The following RGS7 variants were observed in gnomAD, a reference collection of about 807,000 sequenced individuals.
RGS7 encodes the protein regulator of G-protein signaling 7.
RGS7 carries 27 observed loss-of-function variants against 81.1 expected under a neutral mutation model. The observed-to-expected ratio is 0.33, with a 90% CI of 0.25 to 0.46. The LOEUF is 0.46. Ranked by LOEUF, RGS7 falls within the 20% of genes least tolerant of loss-of-function variation. The pLI is 1.00. For missense variants in RGS7, 396 were observed against 607.4 expected (o/e 0.65, Z 3.66); for synonymous variants, 208 against 207.7 (o/e 1.00, Z -0.01).
intron 6 of RGS7, among the ~76,000 whole-genome samples, chr1:240,905,972 G>A (rs1670750962): frequency 6.6e-6 from 1 of 152,108 alleles, no homozygotes; most frequent in South Asian, 2.1e-4. Flanking sequence ...TGCTAGCTGG[G>A]GCTTTGAACC....
At chr1:241,133,530 A>T (rs1365122208) in intron 2 of RGS7, among the ~76,000 whole-genome samples, 1 of 152,086 alleles carries the variant, frequency 6.6e-6, no homozygotes, top group Non-Finnish European at 1.5e-5. Context: ...AGGAGATACA[A>T]ATATAAAAAA....
chr1:241,190,057 G>A (rs373348448), intron 2 of RGS7, among the ~76,000 whole-genome samples: 6 of 151,898 alleles, frequency 4.0e-5, no homozygotes, highest in Admixed American at 3.3e-4. Context: ...GAGCCGAGAT[G>A]GCGCCACTGC....
intron 2 of RGS7, among the ~76,000 whole-genome samples, chr1:241,214,060 C>T (rs2074409011): frequency 6.6e-6 from 1 of 152,160 alleles, no homozygotes; most frequent in African/African-American, 2.4e-5. Context: ...CCACCATGCC[C>T]AGCAAGAAAA....
At chr1:240,817,888 C>T (rs1691107337) in intron 10 of RGS7, among the ~76,000 whole-genome samples, 1 of 152,118 alleles carries the variant, frequency 6.6e-6, no homozygotes, top group Non-Finnish European at 1.5e-5. Context: ...CAGGCGTGAG[C>T]CACCGCGCCT....
At chr1:240,874,394 C>G (rs1361316849) in intron 6 of RGS7, among the ~76,000 whole-genome samples, 1 of 152,014 alleles carries the variant, frequency 6.6e-6, no homozygotes, top group Non-Finnish European at 1.5e-5. Context: ...GGCCTCTGAT[C>G]CTCCTGGGGC....
At chr1:241,019,588 T>C (rs1302096249) in intron 3 of RGS7, among the ~76,000 whole-genome samples, 4 of 152,134 alleles carry the variant, frequency 2.6e-5, no homozygotes, top group Admixed American at 6.5e-5. Context: ...CTCCCACTTA[T>C]GAGTGAAAAC....
chr1:241,243,572 G>C (rs1024288695), intron 2 of RGS7, among the ~76,000 whole-genome samples: 15 of 152,116 alleles, frequency 9.9e-5, no homozygotes, highest in Non-Finnish European at 2.1e-4. Context: ...AGGCATGAAG[G>C]GAAAGAGATG....
intron 2 of RGS7, among the ~76,000 whole-genome samples, chr1:241,295,252 G>T (rs564852372): frequency 1.8e-3 from 270 of 151,902 alleles, no homozygotes; most frequent in South Asian, 2.5e-3. Context: ...TTCAAGACCA[G>T]CCTGACGAAC....
At chr1:241,182,646 CG>C (rs2071722274) in intron 2 of RGS7, among the ~76,000 whole-genome samples, 1 of 141,800 alleles carries the variant, frequency 7.1e-6, no homozygotes, top group South Asian at 2.3e-4. Context: ...CGGCATCTCA[CG>C]CTTTTTTTTT....
At chr1:240,908,420 C>T (rs1671203743) in intron 6 of RGS7, among the ~76,000 whole-genome samples, 1 of 152,108 alleles carries the variant, frequency 6.6e-6, no homozygotes, top group Non-Finnish European at 1.5e-5. Context: ...ACTAAGCCTA[C>T]ACAAATGAAT....
intron 3 of RGS7, among the ~76,000 whole-genome samples, chr1:241,008,153 AC>A (rs1299651897): frequency 2.6e-5 from 4 of 152,248 alleles, no homozygotes; most frequent in Non-Finnish European, 5.9e-5. Flanking sequence ...AAACAAAAAA[AC>A]AATAACAAAA....
chr1:240,955,845 C>T (rs1680323453), intron 4 of RGS7, among the ~76,000 whole-genome samples: 1 of 152,156 alleles, frequency 6.6e-6, no homozygotes, highest in South Asian at 2.1e-4. Context: ...ACACTACACG[C>T]AGGTCTTATT....
At chr1:241,336,330 C>A (rs1169249603) in intron 2 of RGS7, among the ~76,000 whole-genome samples, 1 of 152,144 alleles carries the variant, frequency 6.6e-6, no homozygotes, top group Non-Finnish European at 1.5e-5. Flanking sequence ...CTAGATCTTA[C>A]AAAATATATT....
intron 2 of RGS7, among the ~76,000 whole-genome samples, chr1:241,264,429 G>A (rs559158774): frequency 6.6e-5 from 10 of 152,134 alleles, no homozygotes; most frequent in African/African-American, 1.9e-4. Flanking sequence ...CCTGGGAGGC[G>A]GAGGTTGCAG....
chr1:241,169,657 C>G (rs929646896), intron 2 of RGS7, among the ~76,000 whole-genome samples: 2 of 151,978 alleles, frequency 1.3e-5, no homozygotes, highest in Non-Finnish European at 2.9e-5. Context: ...ATATGTGTTT[C>G]TTTAGGCTAT....
At chr1:241,231,596 C>T (rs1025729868) in intron 2 of RGS7, among the ~76,000 whole-genome samples, 2 of 151,928 alleles carry the variant, frequency 1.3e-5, no homozygotes, top group South Asian at 2.1e-4. Flanking sequence ...TGACCTCAAG[C>T]GATCCACCCA....
At chr1:241,066,994 C>T (rs928229255) in intron 3 of RGS7, among the ~76,000 whole-genome samples, 5 of 152,132 alleles carry the variant, frequency 3.3e-5, no homozygotes, top group African/African-American at 9.7e-5. Context: ...AAGTTAACAT[C>T]GGGAGGTTTG....
At chr1:241,169,368 G>C (rs1274341774) in intron 2 of RGS7, among the ~76,000 whole-genome samples, 1 of 106,848 alleles carries the variant, frequency 9.4e-6, no homozygotes, top group African/African-American at 3.7e-5. Context: ...TTTTGAGACA[G>C]AGTCTCACTC....
intron 6 of RGS7, among the ~76,000 whole-genome samples, chr1:240,916,900 A>G (rs1308731463): frequency 6.6e-6 from 1 of 152,228 alleles, no homozygotes; most frequent in Non-Finnish European, 1.5e-5. Context: ...CACAACAAGG[A>G]AACTCAAACA....
Sources: gnomAD v4.1 joint callset for allele counts (sites outside exome capture counted in the v4.1 genomes callset) on GRCh38, gnomAD v4.1.1 for gene constraint, MANE v1.5 for transcripts, NCBI Gene and HGNC (gene_info 2026-07-23, HGNC 2026-07-21) for gene names.